Variants in CHKA observed in about 807,000 individuals in gnomAD.
The protein encoded by CHKA is choline kinase alpha.
In CHKA, 34 loss-of-function variants were observed where a neutral mutation model predicts 60.1. The ratio of observed to expected loss-of-function variants is 0.57; its 90% confidence interval spans 0.43 to 0.75. CHKA has a LOEUF of 0.75. Ranked by LOEUF, CHKA falls within the 30% of genes least tolerant of loss-of-function variation. CHKA has a pLI of 0.00. For synonymous variants in CHKA, 217 were observed against 223.1 expected, an observed-to-expected ratio of 0.97 and a Z score of 0.24; for missense variants, 563 against 561.3, an observed-to-expected ratio of 1.00 and a Z score of -0.03.
chr11:68,097,496 C>T (rs1366347238), intron 1 of CHKA, among the ~76,000 whole-genome samples: 8 of 151,954 alleles, frequency 5.3e-5, no homozygotes, highest in Non-Finnish European at 1.5e-5. Flanking sequence ...ATTAGCCAGG[C>T]GTGGTGGCAG....
intron 3 of CHKA, among the ~76,000 whole-genome samples, chr11:68,079,142 C>T (rs574104004): frequency 2.6e-5 from 4 of 151,964 alleles, no homozygotes; most frequent in Non-Finnish European, 5.9e-5. Context: ...CCCTGTTGGC[C>T]AAGCTGGTCT....
intron 2 of CHKA, among the ~76,000 whole-genome samples, chr11:68,089,410 G>T (rs944890192): frequency 1.3e-5 from 2 of 152,178 alleles, no homozygotes; most frequent in African/African-American, 4.8e-5. Context: ...ATACTGACTG[G>T]TAAGGACAAA....
At chr11:68,095,959 G>A (rs1249168320) in intron 2 of CHKA, among the ~76,000 whole-genome samples, 3 of 151,322 alleles carry the variant, frequency 2.0e-5, no homozygotes, top group Non-Finnish European at 4.4e-5. Context: ...AGAATGGCTT[G>A]AACCCGGGAG....
chr11:68,087,461 A>G lies in CHKA; in HGVS notation c.463-6004T>C, dbSNP rs192098323. On this transcript the variant is annotated intron_variant, in intron 2 of 11. Transcript: ENST00000265689. Reference sequence around the variant, plus strand: ...CACACCACTGCACTCCAGCCTGGGCAATAGAGTGAGACTTCATCTCACACA... The same window carrying G: ...CACACCACTGCACTCCAGCCTGGGCGATAGAGTGAGACTTCATCTCACACA... Among the ~76,000 whole-genome samples, 967 of 152,186 alleles carry G rather than the reference A, an allele frequency of 6.4e-3. 10 individuals are homozygous for G. Among genetic ancestry groups the G allele is most frequent in the African/African-American group, 0.022 (906 of 41,540 alleles).
At chr11:68,054,904 AATGCCACT>A (rs1855947827) in intron 11 of CHKA, among the ~76,000 whole-genome samples, 1 of 152,160 alleles carries the variant, frequency 6.6e-6, no homozygotes, top group South Asian at 2.1e-4. Context: ...GTAGCACATA[AATGCCACT>A]ATACAATATG....
chr11:68,090,833 T>C (rs1857328351), intron 2 of CHKA, among the ~76,000 whole-genome samples: 1 of 152,190 alleles, frequency 6.6e-6, no homozygotes, highest in Non-Finnish European at 1.5e-5. Context: ...GTGAGACCGC[T>C]CATAACGGTG....
At chr11:68,085,618 G>C (rs1376178098) in intron 2 of CHKA, among the ~76,000 whole-genome samples, 2 of 152,146 alleles carry the variant, frequency 1.3e-5, no homozygotes, top group Non-Finnish European at 2.9e-5. Context: ...TGAGAAAATA[G>C]AGGACTTTCA....
At chr11:68,055,284 A>T (rs533951588) in intron 11 of CHKA, among the ~76,000 whole-genome samples, 1 of 152,170 alleles carries the variant, frequency 6.6e-6, no homozygotes, top group East Asian at 1.9e-4. Flanking sequence ...CAGCTACTCA[A>T]GAGGCTGAGG....
intron 3 of CHKA, among the ~76,000 whole-genome samples, chr11:68,078,187 T>C (rs2134576643): frequency 6.6e-6 from 1 of 152,216 alleles, no homozygotes; most frequent in Admixed American, 6.5e-5. Context: ...ACAGCAATAC[T>C]CACTCTCACA....
rs901015150 is a variant in CHKA, at chr11:68,081,572, G to A, written c.463-115C>T. On this transcript the variant is annotated intron_variant, in intron 2 of 11. Coordinates refer to ENST00000265689, the MANE Select transcript of CHKA (RefSeq NM_001277.3). ...CAAAACATCACAGGTCTTTAAGGAA[G>A]GTTTCTCAGCCCACCGATGTGACGG... 29 of 791,662 alleles carry A rather than the reference G, an allele frequency of 3.7e-5. No individual in the cohort carries two copies. The African/African-American group carries it at 4.3e-4, about 12-fold the overall frequency. 49.0% of individuals were successfully genotyped at this position (791,662 alleles called of 1,614,324 possible). A position where few individuals can be genotyped will look rare whatever the true frequency, so the allele number is the denominator to read the frequency against.
At chr11:68,093,621 C>T (rs536093971) in intron 2 of CHKA, among the ~76,000 whole-genome samples, 1 of 152,280 alleles carries the variant, frequency 6.6e-6, no homozygotes. Flanking sequence ...GACATTTCTA[C>T]TGTATTTAAC....
chr11:68,084,317 T>C (rs1328829642), intron 2 of CHKA, among the ~76,000 whole-genome samples: 6 of 138,618 alleles, frequency 4.3e-5, no homozygotes, highest in African/African-American at 8.1e-5. Context: ...TATACATGTG[T>C]ATATATATAC....
chr11:68,120,183 C>T (rs1858564222), intron 1 of CHKA, among the ~76,000 whole-genome samples: 1 of 150,154 alleles, frequency 6.7e-6, no homozygotes, highest in Non-Finnish European at 1.5e-5. Context: ...GAGCCGAGGT[C>T]GCGCCACTGC....
chr11:68,068,032 G>C (rs571259022), intron 7 of CHKA, among the ~76,000 whole-genome samples: 2 of 152,174 alleles, frequency 1.3e-5, no homozygotes, highest in East Asian at 3.8e-4. Context: ...GCTGCATAGT[G>C]GGGGGCCTCT....
chr11:68,089,318 C>A (rs1277867013), intron 2 of CHKA, among the ~76,000 whole-genome samples: 1 of 152,188 alleles, frequency 6.6e-6, no homozygotes, highest in Non-Finnish European at 1.5e-5. Flanking sequence ...AACACTTTTA[C>A]GGGAAGTGTG....
intron 3 of CHKA, among the ~76,000 whole-genome samples, chr11:68,075,259 G>A (rs988510303): frequency 3.9e-5 from 6 of 151,940 alleles, no homozygotes; most frequent in Non-Finnish European, 7.4e-5. Flanking sequence ...AGGATCCAAA[G>A]GACCTTCTGC....
chr11:68,088,586 T>C (rs1307064299), intron 2 of CHKA, among the ~76,000 whole-genome samples: 1 of 152,196 alleles, frequency 6.6e-6, no homozygotes, highest in East Asian at 1.9e-4. Flanking sequence ...TGTTCAATTC[T>C]ATAGAATTGA....
chr11:68,095,131 G>A (rs1259396808), intron 2 of CHKA, among the ~76,000 whole-genome samples: 7 of 151,108 alleles, frequency 4.6e-5, no homozygotes, highest in Non-Finnish European at 7.4e-5. Context: ...AGGGCCAGGC[G>A]CGGTGGCTCA....
intron 11 of CHKA, among the ~76,000 whole-genome samples, chr11:68,057,134 G>A (rs979500931): frequency 6.6e-6 from 1 of 152,158 alleles, no homozygotes; most frequent in African/African-American, 2.4e-5. Context: ...GTTTGTTGGC[G>A]GGGAGAACCA....
Sources: gnomAD v4.1 joint callset for allele counts (sites outside exome capture counted in the v4.1 genomes callset) on GRCh38, gnomAD v4.1.1 for gene constraint, MANE v1.5 for transcripts, NCBI Gene and HGNC (gene_info 2026-07-23, HGNC 2026-07-21) for gene names.